Variants in ASPH observed in about 807,000 individuals in gnomAD.
ASPH encodes the protein aspartate beta-hydroxylase, also known as aspartyl/asparaginyl beta-hydroxylase.
In ASPH, 100 loss-of-function variants were observed where a neutral mutation model predicts 118.4. The ratio of observed to expected loss-of-function variants is 0.84; its 90% CI spans 0.72 to 1.00. ASPH has a LOEUF of 1.00. Among genes scored for constraint, ASPH ranks in the 50% least tolerant of loss-of-function variants. The pLI is 0.00. For synonymous variants in ASPH, 315 were observed against 325.6 expected (o/e 0.97, Z 0.35); for missense variants, 920 against 919.5 (o/e 1.00, Z -0.01).
At chr8:61,668,956 A>G (rs916234974) in intron 3 of ASPH, among the ~76,000 whole-genome samples, 5 of 152,176 alleles carry the variant, frequency 3.3e-5, no homozygotes, top group Admixed American at 6.5e-5. Flanking sequence ...TAGCATCCCA[A>G]TGAACTGATC....
At chr8:61,645,718 C>T (rs1807588330) in intron 6 of ASPH, among the ~76,000 whole-genome samples, 2 of 152,156 alleles carry the variant, frequency 1.3e-5, no homozygotes, top group Non-Finnish European at 2.9e-5. Flanking sequence ...ACCAAACCAT[C>T]CCATATTTTT....
In ASPH at chr8:61,618,830, GTTC is replaced by G. The variant is rs776805083; in HGVS notation, c.976+145_976+147del. Reference sequence around the variant, plus strand: ...ATGTTTATGTAAAATATTAATAAGTGTTCTTTGATAAATCATTGAAATAACAAA... The same window carrying G: ...ATGTTTATGTAAAATATTAATAAGTGTTTGATAAATCATTGAAATAACAAA... On this transcript the variant is annotated intron_variant, in intron 14 of 24. Coordinates refer to ENST00000379454, the MANE Select transcript of ASPH (RefSeq NM_004318.4). The G allele has an allele frequency of 3.7e-4, 235 of 641,520 alleles. 4 individuals are homozygous for G. In the South Asian group the frequency reaches 5.7e-3, roughly 15 times the overall value. 39.7% of individuals were successfully genotyped at this position (641,520 alleles called of 1,614,324 possible). A position where few individuals can be genotyped will look rare whatever the true frequency, so the allele number is the denominator to read the frequency against.
chr8:61,568,495 G>C (rs1346398823), intron 16 of ASPH, among the ~76,000 whole-genome samples: 2 of 152,164 alleles, frequency 1.3e-5, no homozygotes, highest in East Asian at 3.9e-4. Context: ...GGGCAGTATA[G>C]AATCAGGAGA....
intron 21 of ASPH, among the ~76,000 whole-genome samples, chr8:61,543,908 A>C (rs894422309): frequency 6.6e-6 from 1 of 152,184 alleles, no homozygotes; most frequent in Non-Finnish European, 1.5e-5. Flanking sequence ...TAAAAAAAAT[A>C]CCTGCCAATA....
intron 13 of ASPH, chr8:61,631,706 G>T (rs1415278021): frequency 6.6e-6 from 1 of 152,144 alleles, no homozygotes. Flanking sequence ...ACAATGCAGT[G>T]GATCATTCAA....
At chr8:61,507,703 A>C (rs889276674) in intron 24 of ASPH, among the ~76,000 whole-genome samples, 3 of 152,194 alleles carry the variant, frequency 2.0e-5, no homozygotes, top group Non-Finnish European at 2.9e-5. Flanking sequence ...TAAAGATGTC[A>C]AATCGCTTCT....
At chr8:61,592,725 T>C (rs1841502650) in intron 14 of ASPH, among the ~76,000 whole-genome samples, 2 of 152,186 alleles carry the variant, frequency 1.3e-5, no homozygotes, top group Non-Finnish European at 2.9e-5. Context: ...ACTGCAATAT[T>C]ATTCATAGCA....
At chr8:61,699,454 T>G (rs1834726167) in intron 1 of ASPH, among the ~76,000 whole-genome samples, 1 of 152,228 alleles carries the variant, frequency 6.6e-6, no homozygotes, top group Non-Finnish European at 1.5e-5. Context: ...GTAAGTTTCT[T>G]GTTTCATGGG....
rs372820604 is a variant in ASPH at position 61,526,000 on chromosome 8, C to A, written c.1877G>T (p.Ser626Ile). 56 of 1,613,870 alleles carry A rather than the reference C, an allele frequency of 3.5e-5. No homozygotes were observed. The highest frequency in any genetic ancestry group is 4.6e-5 in the Non-Finnish European group (54 of 1,179,924). ...ACCTTGCTGCCACAGCGTGAACTGG[C>A]TCCAGTCCCCTTTTTCCCTCAGGTT... Reference protein sequence around the residue: ...DENLREKGDWSQFTLWQQGRR... With the variant: ...DENLREKGDWIQFTLWQQGRR... The change falls in exon 22 of 25, where the codon AGC (serine) becomes ATC (isoleucine). Residue 626 changes from serine to isoleucine, a missense_variant. Ser to Ile is a moderately radical substitution (Grantham distance 142). Transcript: ENST00000379454.
chr8:61,708,415 C>T (rs73269300), intron 1 of ASPH, among the ~76,000 whole-genome samples: 7,588 of 152,082 alleles, frequency 0.05, 274 homozygotes, highest in African/African-American at 0.1. Flanking sequence ...TTATGTAAGT[C>T]AAAAAATTAA....
At chr8:61,675,283 T>C in intron 3 of ASPH, 1 of 902,554 alleles carries the variant, frequency 1.1e-6, no homozygotes, top group Non-Finnish European at 1.3e-6. Context: ...TTTTAATATG[T>C]ACAACATTAA....
chr8:61,538,598 A>C (rs1019682812), intron 21 of ASPH, among the ~76,000 whole-genome samples: 21 of 152,188 alleles, frequency 1.4e-4, no homozygotes, highest in African/African-American at 4.8e-4. Flanking sequence ...AGTGCTGTGT[A>C]AGTCTTATTT....
intron 13 of ASPH, among the ~76,000 whole-genome samples, chr8:61,621,905 C>T (rs898730837): frequency 4.9e-4 from 75 of 152,234 alleles, no homozygotes; most frequent in African/African-American, 1.5e-3. Flanking sequence ...AAAGATGTTA[C>T]ACTACTCTTT....
chr8:61,641,368 A>G (rs1805049839), intron 10 of ASPH, among the ~76,000 whole-genome samples: 1 of 152,168 alleles, frequency 6.6e-6, no homozygotes, highest in Non-Finnish European at 1.5e-5. Context: ...TGAGGAAAAT[A>G]TCTCAAATCC....
chr8:61,707,985 C>A (rs944248734), intron 1 of ASPH, among the ~76,000 whole-genome samples: 1 of 152,056 alleles, frequency 6.6e-6, no homozygotes, highest in African/African-American at 2.4e-5. Flanking sequence ...TGTGTATGTG[C>A]TACATGTTAT....
chr8:61,635,257 A>G (rs1857219387), intron 12 of ASPH, among the ~76,000 whole-genome samples: 1 of 152,106 alleles, frequency 6.6e-6, no homozygotes, highest in Admixed American at 6.6e-5. Flanking sequence ...CTCCTCACAC[A>G]ATGGCTGTTC....
chr8:61,665,507 T>C, intron 3 of ASPH: 3 of 1,565,608 alleles, frequency 1.9e-6, no homozygotes, highest in Non-Finnish European at 1.7e-6. Flanking sequence ...CTTTCGGACA[T>C]CCTCTTTCTT....
At chr8:61,504,058 T>A (rs1382198605) in intron 24 of ASPH, among the ~76,000 whole-genome samples, 1 of 152,232 alleles carries the variant, frequency 6.6e-6, no homozygotes, top group Admixed American at 6.5e-5. Context: ...ATATTTTTAG[T>A]ATCATCTTCT....
At chr8:61,554,665 C>T (rs1827198941) in intron 19 of ASPH, among the ~76,000 whole-genome samples, 2 of 152,204 alleles carry the variant, frequency 1.3e-5, no homozygotes, top group Admixed American at 1.3e-4. Flanking sequence ...AAAACATTTC[C>T]ATCACAGTAG....
Sources: allele counts gnomAD v4.1 joint callset (sites outside exome capture counted in the v4.1 genomes callset), GRCh38; gene constraint gnomAD v4.1.1; transcripts MANE v1.5; gene names NCBI Gene and HGNC (gene_info 2026-07-23, HGNC 2026-07-21).